TMEM131L: variants seen among roughly 807,000 people sequenced by gnomAD.
TMEM131L encodes transmembrane protein 131-like.
Under a neutral mutation model 192.2 loss-of-function variants are expected in TMEM131L, and 54 were observed. That is an observed-to-expected ratio of 0.28 (90% confidence interval 0.23 to 0.35). The LOEUF is 0.35. TMEM131L is among the 10% of genes least tolerant of loss of function. TMEM131L has a pLI of 1.00. For missense variants in TMEM131L, 1,888 were observed against 1,972.9 expected (o/e 0.96, Z 0.82); for synonymous variants, 701 against 704.9 (o/e 0.99, Z 0.09).
chr4:153,522,269 C>G (rs890316855), intron 3 of TMEM131L, among the ~76,000 whole-genome samples: 2 of 151,994 alleles, frequency 1.3e-5, no homozygotes, highest in Non-Finnish European at 2.9e-5. Context: ...GTTTTGAGTT[C>G]CTGTTTTGTG....
At chr4:153,583,496 G>C in intron 10 of TMEM131L, 68 bp from the exon 11 acceptor site, 1 of 1,075,848 alleles carries the variant, frequency 9.3e-7, no homozygotes, top group Non-Finnish European at 1.4e-6. Context: ...TATTCTAACG[G>C]TTCATTCAAA....
intron 3 of TMEM131L, among the ~76,000 whole-genome samples, chr4:153,485,590 T>C (rs1732273999): frequency 6.6e-6 from 1 of 152,214 alleles, no homozygotes; most frequent in Non-Finnish European, 1.5e-5. Flanking sequence ...ACATTGACTT[T>C]GAGGGTTGTA....
intron 25 of TMEM131L, among the ~76,000 whole-genome samples, chr4:153,608,193 G>A (rs1478324213): frequency 3.3e-5 from 5 of 152,080 alleles, no homozygotes; most frequent in South Asian, 2.1e-4. Flanking sequence ...TGCCTGCTTC[G>A]GAGAGGCCTG....
At chr4:153,587,930 A>C in intron 15 of TMEM131L, 119 bp downstream of exon 15, 1 of 775,552 alleles carries the variant, frequency 1.3e-6, no homozygotes, top group African/African-American at 1.7e-5. Flanking sequence ...TATTCTATAG[A>C]GAGGATGATC....
chr4:153,496,502 A>G (rs1366270057), intron 3 of TMEM131L, among the ~76,000 whole-genome samples: 1 of 152,158 alleles, frequency 6.6e-6, no homozygotes, highest in African/African-American at 2.4e-5. Flanking sequence ...TGACAGTGTC[A>G]TTGTCATTCT....
At chr4:153,592,380 T>C in intron 17 of TMEM131L, 95 bp from the exon 18 acceptor site, 1 of 773,386 alleles carries the variant, frequency 1.3e-6, no homozygotes. Flanking sequence ...TTACATGATA[T>C]TTCCTCATGA....
At chr4:153,487,071 C>T (rs1173375219) in intron 3 of TMEM131L, among the ~76,000 whole-genome samples, 1 of 152,204 alleles carries the variant, frequency 6.6e-6, no homozygotes, top group African/African-American at 2.4e-5. Flanking sequence ...ATCAGAAGCT[C>T]TAGGGGAGGA....
intron 3 of TMEM131L, among the ~76,000 whole-genome samples, chr4:153,500,127 G>A (rs1346484342): frequency 6.6e-6 from 1 of 151,318 alleles, no homozygotes; most frequent in Admixed American, 6.6e-5. Context: ...AGTAGATAGG[G>A]TCTCACTCTC....
intron 11 of TMEM131L, among the ~76,000 whole-genome samples, chr4:153,584,210 G>A (rs937520374): frequency 2.0e-5 from 3 of 152,148 alleles, no homozygotes; most frequent in Non-Finnish European, 4.4e-5. Context: ...TTTTTTTAGA[G>A]GATATCTGTG....
At chr4:153,634,374 G>A (rs962271095) in intron 33 of TMEM131L, 94 bp downstream of exon 33, 3 of 1,032,700 alleles carry the variant, frequency 2.9e-6, no homozygotes, top group Non-Finnish European at 4.5e-6. Flanking sequence ...TTTTAACAGC[G>A]AGCAGACTTT....
rs755490729 is a variant in TMEM131L at position 153,591,134 on chromosome 4, T to C, written c.1752T>C (p.Arg584=). 6.2e-7 allele frequency: 1 copy of C among 1,611,914 alleles called. No individual in the cohort carries two copies. The highest frequency in any genetic ancestry group is 1.7e-5 in the Admixed American group (1 of 59,912). The part of the protein sequence containing the change: ...ESESFVFFLP[R]LIAEPGLMLN... ...AGTCCTTTGTTTTCTTTTTGCCTCG[T>C]TTGATCGCAGAGCCTGGCCTCATGT... The change falls in exon 17 of 35, where the codon CGT becomes CGC. Residue 584 remains arginine, a synonymous_variant. Coordinates refer to ENST00000409959, the MANE Select transcript of TMEM131L (RefSeq NM_001131007.2).
intron 3 of TMEM131L, among the ~76,000 whole-genome samples, chr4:153,494,243 AATT>A (rs1733001341): frequency 6.6e-6 from 1 of 152,216 alleles, no homozygotes; most frequent in African/African-American, 2.4e-5. Context: ...GCTTTAGCGA[AATT>A]CCATTCTTAA....
intron 27 of TMEM131L, among the ~76,000 whole-genome samples, chr4:153,621,396 T>C (rs1471974784): frequency 2.0e-5 from 3 of 152,172 alleles, no homozygotes; most frequent in Admixed American, 1.3e-4. Context: ...AGACAATATG[T>C]GGTTTGACAA....
chr4:153,488,379 T>G (rs1006099625), intron 3 of TMEM131L, among the ~76,000 whole-genome samples: 9 of 152,238 alleles, frequency 5.9e-5, no homozygotes. Context: ...CACCCCGTCC[T>G]GCAGCTGGAG....
At position 153,592,535 on chromosome 4, in the gene TMEM131L, C is replaced by T. The variant is rs746077102; in HGVS notation, c.1873C>T (p.Leu625Phe). 3 of 1,614,208 alleles carry T rather than the reference C, an allele frequency of 1.9e-6. No homozygotes were observed. Among genetic ancestry groups the T allele is most frequent in the Admixed American group, 3.3e-5 (2 of 60,026 alleles). Residue 625 changes from leucine (L) to phenylalanine (F), a missense_variant, in exon 18 of 35, where the codon CTC (leucine) becomes TTC (phenylalanine). Transcript: ENST00000409959. ...GCCGGTCTCCTTGCAGCTCCTGCCTCTCTCCTTGTACCCTAAACCCGAAGC... is the reference window on the plus strand; with the variant it reads ...GCCGGTCTCCTTGCAGCTCCTGCCTTTCTCCTTGTACCCTAAACCCGAAGC... ...SWPVSLQLLP[L>F]SLYPKPEALV... is the part of the protein sequence containing the mutation.
chr4:153,603,703 C>T (rs1732007682), intron 24 of TMEM131L, 99 bp from the exon 25 acceptor site: 5 of 1,313,554 alleles, frequency 3.8e-6, no homozygotes, highest in South Asian at 1.5e-5. Context: ...AACTTACACT[C>T]AGTACTGATT....
Position 153,602,706 on chromosome 4 carries a change from G to A in TMEM131L, c.2618G>A (p.Arg873Lys). 1 of 1,614,012 alleles carries A rather than the reference G, an allele frequency of 6.2e-7. No individual in the cohort carries two copies. The highest frequency in any genetic ancestry group is 8.5e-7 in the Non-Finnish European group (1 of 1,179,938). ...CCCAGCTGGGAGGAGTCATTTTGGA[G>A]GCTCACGGTCTTCTTTGTCAGGTAA... ...PGPSWEESFWRLTVFFVSLSL... is the reference protein window; with the variant it reads ...PGPSWEESFWKLTVFFVSLSL... The change falls in exon 23 of 35, where the codon AGG becomes AAG. Residue 873 changes from arginine to lysine, a missense_variant. Transcript: ENST00000409959.
At chr4:153,593,556 A>G (rs891481688) in intron 18 of TMEM131L, among the ~76,000 whole-genome samples, 4 of 152,110 alleles carry the variant, frequency 2.6e-5, no homozygotes, top group African/African-American at 9.7e-5. Context: ...TGCCAAAGTC[A>G]TTCATTTAGC....
chr4:153,569,487 A>T (rs191589230), intron 7 of TMEM131L, among the ~76,000 whole-genome samples: 33 of 152,372 alleles, frequency 2.2e-4, no homozygotes, highest in Admixed American at 3.9e-4. Flanking sequence ...TTCAACTGCA[A>T]TATCCGGTAC....
Sources: allele counts gnomAD v4.1 joint callset (sites outside exome capture counted in the v4.1 genomes callset), GRCh38; gene constraint gnomAD v4.1.1; transcripts MANE v1.5; gene names NCBI Gene and HGNC (gene_info 2026-07-23, HGNC 2026-07-21).